The following DPP8 variants were observed in gnomAD, a reference collection of about 807,000 sequenced individuals.
DPP8 encodes the protein dipeptidyl peptidase 8, also known as DPP VIII.
A neutral mutation model predicts 107.5 loss-of-function variants in DPP8; 31 were observed. The observed-to-expected ratio is 0.29, with a 90% CI of 0.22 to 0.39. The LOEUF is 0.39. DPP8 is among the 10% of genes least tolerant of loss of function. DPP8 has a pLI of 1.00. For missense variants in DPP8, 842 were observed against 1,076.1 expected, an observed-to-expected ratio of 0.78 and a Z score of 3.04; for synonymous variants, 381 against 356.6, an observed-to-expected ratio of 1.07 and a Z score of -0.77.
intron 12 of DPP8, among the ~76,000 whole-genome samples, chr15:65,470,127 G>A (rs754335894): frequency 4.1e-5 from 6 of 145,216 alleles, no homozygotes; most frequent in Non-Finnish European, 6.0e-5. Context: ...CCTAGGAGGC[G>A]GAGGTTGCAA....
At chr15:65,500,337 G>C (rs1390167519) in intron 4 of DPP8, among the ~76,000 whole-genome samples, 1 of 151,684 alleles carries the variant, frequency 6.6e-6, no homozygotes, top group African/African-American at 2.4e-5. Context: ...AGAATCACTT[G>C]AACCCAGGAG....
Position 65,506,054 on chromosome 15 carries a change from C to T in DPP8, c.372+1189G>A, listed in dbSNP as rs56179240. Reference sequence around the variant, plus strand: ...CAATTAAGAAATACTCGGCCAAGGCCGGTGCGGTGGCTCACACCTGTAATC... The same window carrying T: ...CAATTAAGAAATACTCGGCCAAGGCTGGTGCGGTGGCTCACACCTGTAATC... On this transcript the variant is annotated intron_variant, in intron 3 of 19. Transcript: ENST00000300141. 3.1e-3 allele frequency among the ~76,000 whole-genome samples: 465 copies of T among 150,216 alleles called. 1 individual carries two copies. Among genetic ancestry groups the T allele is most frequent in the African/African-American group, 0.011 (447 of 40,872 alleles).
intron 1 of DPP8, chr15:65,515,651 C>T (rs760433558): frequency 4.3e-6 from 7 of 1,613,600 alleles, no homozygotes; most frequent in East Asian, 4.5e-5. Flanking sequence ...TTCCCTGGTG[C>T]CTACCTGATT....
intron 1 of DPP8, among the ~76,000 whole-genome samples, chr15:65,514,161 T>A (rs578114915): frequency 2.6e-5 from 4 of 152,216 alleles, no homozygotes; most frequent in Non-Finnish European, 5.9e-5. Flanking sequence ...AAGAACTGAA[T>A]GAAGTGTGTG....
chr15:65,515,037 C>T (rs1330560901), intron 1 of DPP8, among the ~76,000 whole-genome samples: 5 of 152,146 alleles, frequency 3.3e-5, no homozygotes, highest in Non-Finnish European at 5.9e-5. Flanking sequence ...CACTGTTGCC[C>T]AAGCTGCAGT....
chr15:65,475,880 C>T (rs1427953714), intron 11 of DPP8, among the ~76,000 whole-genome samples: 1 of 152,158 alleles, frequency 6.6e-6, no homozygotes, highest in African/African-American at 2.4e-5. Flanking sequence ...TCCCAAGTAG[C>T]TGGGACTACA....
chr15:65,513,218 A>ATTT (rs34004289), intron 1 of DPP8, among the ~76,000 whole-genome samples: 1 of 147,636 alleles, frequency 6.8e-6, no homozygotes. Flanking sequence ...GTGACTCTAC[A>ATTT]TTTTTTTTTT....
At chr15:65,488,513 T>C in intron 6 of DPP8, among the ~76,000 whole-genome samples, 1 of 139,062 alleles carries the variant, frequency 7.2e-6, no homozygotes. Flanking sequence ...GAGGCTGAGG[T>C]GAGAGGATTG....
chr15:65,451,190 T>A (rs1246984930), intron 18 of DPP8, 80 bp from the exon 19 acceptor site: 7 of 798,930 alleles, frequency 8.8e-6, no homozygotes, highest in Non-Finnish European at 1.5e-5. Context: ...TAATCATACT[T>A]AACCATATTA....
At chr15:65,494,497 C>A (rs1450401724) in intron 5 of DPP8, among the ~76,000 whole-genome samples, 2 of 151,058 alleles carry the variant, frequency 1.3e-5, no homozygotes. Flanking sequence ...TGCTGGGAGA[C>A]CTCATCTCTA....
chr15:65,473,719 G>A (rs750960049), intron 12 of DPP8, among the ~76,000 whole-genome samples: 1 of 151,964 alleles, frequency 6.6e-6, no homozygotes, highest in Non-Finnish European at 1.5e-5. Flanking sequence ...TCTATAAAAG[G>A]GCTATAAAAT....
chr15:65,487,237 C>T (rs112533148), intron 7 of DPP8, among the ~76,000 whole-genome samples: 35 of 151,952 alleles, frequency 2.3e-4, no homozygotes, highest in African/African-American at 8.5e-4. Flanking sequence ...ACAACCTCTG[C>T]CTCTTGGGTT....
At position 65,474,254 on chromosome 15, in the gene DPP8, T is replaced by A; in HGVS notation, c.1491A>T (p.Ala497=). 1.2e-6 allele frequency: 2 copies of A among 1,612,720 alleles called. No individual in the cohort carries two copies. Residue 497 remains alanine (A), a synonymous_variant, in exon 12 of 20, where the codon GCA becomes GCT. Coordinates refer to ENST00000300141, the MANE Select transcript of DPP8 (RefSeq NM_130434.5). ...GAACTTCCCATTCACCACTGGTAAT[T>A]GCTATCTCCTCTTTGATAGGACACT... ...DFKCPIKEEI[A]ITSGEWEVLG... is the part of the protein sequence containing the mutation.
intron 3 of DPP8, among the ~76,000 whole-genome samples, chr15:65,505,611 A>G (rs904412897): frequency 3.3e-5 from 5 of 152,184 alleles, no homozygotes; most frequent in Admixed American, 6.5e-5. Context: ...GAAAAGTCAC[A>G]TGCCTATGTA....
At chr15:65,474,494 T>G (rs536951796) in intron 11 of DPP8, among the ~76,000 whole-genome samples, 3 of 152,344 alleles carry the variant, frequency 2.0e-5, no homozygotes, top group African/African-American at 7.2e-5. Context: ...TATTTTTCAT[T>G]TTTTTGTAGA....
At chr15:65,479,744 T>C (rs2066728911) in intron 10 of DPP8, among the ~76,000 whole-genome samples, 1 of 148,182 alleles carries the variant, frequency 6.7e-6, no homozygotes, top group Non-Finnish European at 1.5e-5. Context: ...CTCGGGAGGC[T>C]GAGGCAGGAG....
At chr15:65,496,953 A>C (rs2068663452) in intron 5 of DPP8, among the ~76,000 whole-genome samples, 1 of 152,014 alleles carries the variant, frequency 6.6e-6, no homozygotes, top group African/African-American at 2.4e-5. Context: ...GCAGTGGCGC[A>C]GTCTCAGCTA....
At chr15:65,515,817 A>T in intron 1 of DPP8, 1 of 895,400 alleles carries the variant, frequency 1.1e-6, no homozygotes, top group East Asian at 2.6e-5. Context: ...ATGAAATAAG[A>T]TAAGACTTTG....
In DPP8 at chr15:65,478,894, C is replaced by T; in HGVS notation, c.1442G>A (p.Gly481Glu). Residue 481 changes from glycine (G) to glutamate (E), a missense_variant, in exon 11 of 20, where the codon GGG becomes GAG. Physicochemically the swap from Gly to Glu is moderately conservative, Grantham distance 98. This residue lies in a region of DPP8 where 663 missense variants were observed against 758.0 expected (regional missense o/e 0.87). Transcript: ENST00000300141. ...GGATTTCTTACTTGGAGCAGGCAGC[C>T]CACCACTGGATCGTTTATATTTGCT... The part of the protein sequence containing the change: ...KESKYKRSSG[G>E]LPAPSDFKCP... 1 of 1,569,324 alleles carries T rather than the reference C, an allele frequency of 6.4e-7. No homozygotes were observed. The highest frequency in any genetic ancestry group is 8.6e-7 in the Non-Finnish European group (1 of 1,164,364).
Sources: gnomAD v4.1 joint callset for allele counts (sites outside exome capture counted in the v4.1 genomes callset) on GRCh38, gnomAD v4.1.1 for gene constraint, gnomAD v4.1.1 regional missense constraint, MANE v1.5 for transcripts, NCBI Gene and HGNC (gene_info 2026-07-23, HGNC 2026-07-21) for gene names.